VWA8: variants seen among roughly 807,000 people sequenced by gnomAD.
VWA8 encodes von Willebrand factor A domain-containing protein 8.
A neutral mutation model predicts 241.5 loss-of-function variants in VWA8; 221 were observed. That is an observed-to-expected ratio of 0.91 (90% CI 0.82 to 1.02). The LOEUF (loss-of-function observed/expected upper bound fraction) is 1.02. Among genes scored for constraint, VWA8 ranks in the 50% least tolerant of loss-of-function variants. The probability of loss-of-function intolerance (pLI) is 0.00; values close to 1 mark genes in which losing one functional copy is unlikely to be tolerated. For synonymous variants in VWA8, 852 were observed against 827.1 expected, an observed-to-expected ratio of 1.03 and a Z score of -0.52; for missense variants, 2,322 against 2,328.7, an observed-to-expected ratio of 1.00 and a Z score of 0.06.
chr13:41,620,030 A>G (rs998717327), intron 37 of VWA8, among the ~76,000 whole-genome samples: 1 of 152,078 alleles, frequency 6.6e-6, no homozygotes, highest in Non-Finnish European at 1.5e-5. Flanking sequence ...GATTGGAATA[A>G]TTTCAGAAGG....
chr13:41,813,559 T>C (rs1870561485), intron 16 of VWA8, among the ~76,000 whole-genome samples: 1 of 152,226 alleles, frequency 6.6e-6, no homozygotes, highest in South Asian at 2.1e-4. Context: ...TGTTAAACCA[T>C]AGGGTATAAC....
chr13:41,750,464 C>CA (rs2045646792), intron 21 of VWA8, among the ~76,000 whole-genome samples: 3 of 122,326 alleles, frequency 2.5e-5, no homozygotes, highest in African/African-American at 5.9e-5. Flanking sequence ...AACAACAAAA[C>CA]AAAAACAAAA....
intron 9 of VWA8, among the ~76,000 whole-genome samples, chr13:41,878,206 TTTC>T (rs959192121): frequency 2.0e-5 from 3 of 152,060 alleles, no homozygotes; most frequent in African/African-American, 7.2e-5. Context: ...CATACTTCTA[TTTC>T]TTAAGTAAAC....
Position 41,671,158 on chromosome 13 carries a change from G to A in VWA8, c.4410-11C>T. On this transcript the variant is annotated splice_polypyrimidine_tract_variant and intron_variant, in intron 36 of 44. Coordinates refer to ENST00000379310, the MANE Select transcript of VWA8 (RefSeq NM_015058.2). ...GAGAGAGATTCTGATCTGGAAAAAG[G>A]AATCCAAGTGAAGCTAAGAGACCAC... 1 of 1,613,328 alleles carries A rather than the reference G, an allele frequency of 6.2e-7. No homozygotes were observed. The highest frequency in any genetic ancestry group is 1.1e-5 in the South Asian group (1 of 90,996).
At position 41,881,370 on chromosome 13, in the gene VWA8, GC is replaced by G. The variant is rs1347668629; in HGVS notation, c.1080+2016del. On this transcript the variant is annotated intron_variant, in intron 9 of 44. Transcript: ENST00000379310. ...TACTAGAACATCATAGTTTTTTTTT[GC>G]CGGGGGGGGGGGGGGGGGGGTAAGG... Among the ~76,000 whole-genome samples, 20 of 23,810 alleles carry G rather than the reference GC, an allele frequency of 8.4e-4. 2 individuals carry two copies. The highest frequency in any genetic ancestry group is 1.1e-3 in the African/African-American group (8 of 7,146). 15.6% of individuals were successfully genotyped at this position (23,810 alleles called of 152,430 possible). A position where few individuals can be genotyped will look rare whatever the true frequency, so the allele number is the denominator to read the frequency against.
chr13:41,634,051 G>C (rs1040292963), intron 37 of VWA8, among the ~76,000 whole-genome samples: 34 of 152,252 alleles, frequency 2.2e-4, no homozygotes, highest in African/African-American at 8.2e-4. Context: ...GAGGGCTTTA[G>C]GCAGCACAAA....
Position 41,960,853 on chromosome 13 carries a change from C to G in VWA8, c.163G>C (p.Gly55Arg). The change falls in exon 1 of 45, where the codon GGT becomes CGT. Residue 55 changes from glycine to arginine, a missense_variant and splice_region_variant. Gly to Arg is a moderately radical substitution (Grantham distance 125, BLOSUM62 -2). Transcript: ENST00000379310. Reference protein sequence around the residue: ...LLHAGSGADTGDTVNIGDVSY... With the variant: ...LLHAGSGADTRDTVNIGDVSY... The stretch of plus-strand genomic sequence containing the variant: ...AGGACAGGGGCGCACCCCGAGTTAC[C>G]TGTGTCGGCCCCCGAGCCGGCGTGC... 1.3e-6 allele frequency: 2 copies of G among 1,518,048 alleles called. No homozygotes were observed. Among genetic ancestry groups the G allele is most frequent in the Non-Finnish European group, 1.8e-6 (2 of 1,139,020 alleles). 94.0% of individuals were successfully genotyped at this position (1,518,048 alleles called of 1,614,324 possible). A position where few individuals can be genotyped will look rare whatever the true frequency, so the allele number is the denominator to read the frequency against.
At chr13:41,957,220 T>C (rs9532957) in intron 1 of VWA8, among the ~76,000 whole-genome samples, 35,164 of 152,112 alleles carry the variant, frequency 0.23, 4,131 homozygotes, top group East Asian at 0.29. Context: ...GGGCAGGTTT[T>C]TCCTGTGCTG....
At chr13:41,875,724 T>C (rs1334507724) in intron 9 of VWA8, among the ~76,000 whole-genome samples, 1 of 152,074 alleles carries the variant, frequency 6.6e-6, no homozygotes, top group East Asian at 1.9e-4. Context: ...GTAAGGTACT[T>C]CAGGAGTGGA....
At chr13:41,859,056 GAC>G (rs1872887234) in intron 12 of VWA8, among the ~76,000 whole-genome samples, 1 of 148,796 alleles carries the variant, frequency 6.7e-6, no homozygotes. Flanking sequence ...CAGTCTGGTG[GAC>G]AGAGCAAAAA....
At chr13:41,736,462 G>A (rs2045525469) in intron 21 of VWA8, among the ~76,000 whole-genome samples, 1 of 152,106 alleles carries the variant, frequency 6.6e-6, no homozygotes, top group Non-Finnish European at 1.5e-5. Context: ...CTGGCCTCTA[G>A]AGAGCAAGCA....
At chr13:41,681,134 C>T (rs12100032) in intron 35 of VWA8, among the ~76,000 whole-genome samples, 5,250 of 152,266 alleles carry the variant, frequency 0.034, 297 homozygotes, top group African/African-American at 0.12. Context: ...AGATCACTCT[C>T]GGCTGCTCTC....
At chr13:41,745,324 G>A (rs1039089890) in intron 21 of VWA8, among the ~76,000 whole-genome samples, 4 of 152,034 alleles carry the variant, frequency 2.6e-5, no homozygotes, top group African/African-American at 9.7e-5. Flanking sequence ...AGTGTGTGAT[G>A]TTCCCGGCTC....
intron 23 of VWA8, among the ~76,000 whole-genome samples, chr13:41,729,215 G>A (rs921937070): frequency 6.6e-6 from 1 of 151,480 alleles, no homozygotes; most frequent in Non-Finnish European, 1.5e-5. Flanking sequence ...TTATTATAAT[G>A]AGCAAATTGA....
At chr13:41,723,320 A>T (rs991595133) in intron 24 of VWA8, among the ~76,000 whole-genome samples, 3 of 152,152 alleles carry the variant, frequency 2.0e-5, no homozygotes, top group Non-Finnish European at 4.4e-5. Context: ...AAATGCTGGT[A>T]CTTTGACTAC....
intron 2 of VWA8, among the ~76,000 whole-genome samples, chr13:41,916,452 G>T (rs1042542446): frequency 3.3e-5 from 5 of 152,200 alleles, no homozygotes; most frequent in African/African-American, 9.6e-5. Flanking sequence ...TGCTGTTCCA[G>T]CCATTAGTTC....
At chr13:41,960,194 C>T (rs1321450198) in intron 1 of VWA8, among the ~76,000 whole-genome samples, 2 of 152,194 alleles carry the variant, frequency 1.3e-5, no homozygotes, top group Non-Finnish European at 2.9e-5. Context: ...GTGATTCTAG[C>T]ATAGTAATTA....
chr13:41,839,564 C>T (rs1871899616), intron 12 of VWA8, among the ~76,000 whole-genome samples: 1 of 152,126 alleles, frequency 6.6e-6, no homozygotes, highest in East Asian at 1.9e-4. Flanking sequence ...AGTCTTTGCC[C>T]ATGCCTATGT....
At chr13:41,900,619 T>C (rs1271852456) in intron 4 of VWA8, among the ~76,000 whole-genome samples, 1 of 152,224 alleles carries the variant, frequency 6.6e-6, no homozygotes, top group East Asian at 1.9e-4. Context: ...GTCTTTGTCC[T>C]CATTTACAAA....
Sources: allele counts gnomAD v4.1 joint callset (sites outside exome capture counted in the v4.1 genomes callset), GRCh38; gene constraint gnomAD v4.1.1; transcripts MANE v1.5; gene names NCBI Gene and HGNC (gene_info 2026-07-23, HGNC 2026-07-21).